The following CACNG2 variants were observed in gnomAD, a reference collection of about 807,000 sequenced individuals.
CACNG2 encodes calcium voltage-gated channel auxiliary subunit gamma 2, also known as voltage-dependent calcium channel gamma-2 subunit.
CACNG2 carries 3 observed loss-of-function variants against 25.9 expected under a neutral mutation model. The observed-to-expected ratio is 0.12, with a 90% CI of 0.05 to 0.30. The LOEUF (loss-of-function observed/expected upper bound fraction) is 0.30, where lower values mean the gene tolerates loss of function less well. CACNG2 is among the 10% of genes least tolerant of loss of function. The pLI is 1.00. For missense variants in CACNG2, 341 were observed against 432.5 expected, an observed-to-expected ratio of 0.79 and a Z score of 1.88; for synonymous variants, 167 against 173.3, an observed-to-expected ratio of 0.96 and a Z score of 0.29.
intron 2 of CACNG2, among the ~76,000 whole-genome samples, chr22:36,579,304 T>A (rs1468328989): frequency 6.8e-6 from 1 of 146,064 alleles, no homozygotes; most frequent in Non-Finnish European, 1.5e-5. Flanking sequence ...CTTGGGAGGA[T>A]GAGGCAGGAG....
rs1414141881 is a variant in CACNG2, at chr22:36,565,638, A to G, written c.436+715T>C. On this transcript the variant is annotated intron_variant, in intron 3 of 3. Coordinates refer to ENST00000300105, the MANE Select transcript of CACNG2 (RefSeq NM_006078.5). Reference sequence around the variant, plus strand: ...GGATTATGTATGCGTCACCATGCCCAGCTGATTAAAATAAAAAAATTTCTG... The same window carrying G: ...GGATTATGTATGCGTCACCATGCCCGGCTGATTAAAATAAAAAAATTTCTG... 5.9e-5 allele frequency among the ~76,000 whole-genome samples: 9 copies of G among 152,026 alleles called. No homozygotes were observed. The East Asian group carries it at 1.7e-3, about 29-fold the overall frequency.
At chr22:36,681,782 A>G (rs1601454096) in intron 1 of CACNG2, among the ~76,000 whole-genome samples, 1 of 152,124 alleles carries the variant, frequency 6.6e-6, no homozygotes, top group African/African-American at 2.4e-5. Flanking sequence ...CTGTACCACC[A>G]CCCTGCCATA....
At chr22:36,682,017 C>T (rs1204465982) in intron 1 of CACNG2, among the ~76,000 whole-genome samples, 1 of 152,228 alleles carries the variant, frequency 6.6e-6, no homozygotes, top group Non-Finnish European at 1.5e-5. Flanking sequence ...TGGTGCTCAG[C>T]CGTCAGGAGA....
At chr22:36,621,843 C>T (rs2267355) in intron 1 of CACNG2, among the ~76,000 whole-genome samples, 14,667 of 152,198 alleles carry the variant, frequency 0.096, 875 homozygotes, top group East Asian at 0.24. Flanking sequence ...CTAACTAGAG[C>T]GGCATTAAAA....
chr22:36,606,867 ATGTC>A lies in CACNG2; in HGVS notation c.212-19323_212-19320del, dbSNP rs1355844658. 6.8e-6 allele frequency among the ~76,000 whole-genome samples: 1 copy of A among 146,984 alleles called. No individual in the cohort carries two copies. The highest frequency in any genetic ancestry group is 6.8e-5 in the Admixed American group (1 of 14,788). The stretch of plus-strand genomic sequence containing the variant: ...TGTGTGTATGTATGTGTACGTGTGT[ATGTC>A]TGTGTGTGAGTCTGTGTGTGTGTCT... On this transcript the variant is annotated intron_variant, in intron 1 of 3. Coordinates refer to ENST00000300105, the MANE Select transcript of CACNG2 (RefSeq NM_006078.5). The surrounding 1 kb of genome is among the most constrained non-coding windows in gnomAD (Gnocchi z 5.7).
At chr22:36,648,150 G>A (rs1001445754) in intron 1 of CACNG2, among the ~76,000 whole-genome samples, 2 of 152,108 alleles carry the variant, frequency 1.3e-5, no homozygotes, top group South Asian at 2.1e-4. Context: ...TGCCCAGCTC[G>A]ACTACCAGCA....
At chr22:36,568,622 CT>C (rs1373218827) in intron 2 of CACNG2, among the ~76,000 whole-genome samples, 1 of 152,016 alleles carries the variant, frequency 6.6e-6, no homozygotes, top group Non-Finnish European at 1.5e-5. Flanking sequence ...CCAGGCTGGT[CT>C]TGAACTCCTG....
rs1051352269 is a variant in CACNG2 at position 36,631,044 on chromosome 22, T to C, written c.212-43496A>G. ...CGGGGTTTCACTATGTTGGCCAGGC[T>C]GTTCTCGAACTCCTGACCTCGTGAT... On this transcript the variant is annotated intron_variant, in intron 1 of 3. Coordinates refer to ENST00000300105, the MANE Select transcript of CACNG2 (RefSeq NM_006078.5). Among the ~76,000 whole-genome samples the C allele has an allele frequency of 3.3e-5, 5 of 152,182 alleles. No individual in the cohort carries two copies. In the South Asian group the frequency reaches 1.0e-3, roughly 32 times the overall value.
chr22:36,635,278 C>T (rs187637832), intron 1 of CACNG2, among the ~76,000 whole-genome samples: 87 of 137,942 alleles, frequency 6.3e-4, no homozygotes, highest in African/African-American at 2.1e-3. Flanking sequence ...AGCGAGACCC[C>T]GTCTCAAAAA....
intron 1 of CACNG2, among the ~76,000 whole-genome samples, chr22:36,613,585 T>C (rs1195171877): frequency 6.6e-6 from 1 of 152,166 alleles, no homozygotes; most frequent in African/African-American, 2.4e-5. Flanking sequence ...ATTTGGTGTT[T>C]CTGGGGCTCT....
intron 2 of CACNG2, among the ~76,000 whole-genome samples, chr22:36,580,339 G>T (rs1935393270): frequency 6.6e-6 from 1 of 152,108 alleles, no homozygotes; most frequent in South Asian, 2.1e-4. Context: ...CCTGCTGTTG[G>T]CTTCCCCCAG....
chr22:36,637,127 C>G (rs1936368542), intron 1 of CACNG2, among the ~76,000 whole-genome samples: 2 of 152,238 alleles, frequency 1.3e-5, no homozygotes, highest in Admixed American at 6.5e-5. Flanking sequence ...TGGCTAGGGC[C>G]TTTGTCTTGG....
At chr22:36,672,583 G>A (rs1047966438) in intron 1 of CACNG2, among the ~76,000 whole-genome samples, 1 of 152,244 alleles carries the variant, frequency 6.6e-6, no homozygotes. Flanking sequence ...TTAAGAAGTC[G>A]GATTCCCCCA....
intron 2 of CACNG2, among the ~76,000 whole-genome samples, chr22:36,578,344 C>T (rs924346472): frequency 6.4e-5 from 8 of 124,792 alleles, no homozygotes; most frequent in Non-Finnish European, 1.1e-4. Context: ...GGTGACAGAG[C>T]GAGACTCAAT....
At chr22:36,616,920 T>C (rs1411930394) in intron 1 of CACNG2, among the ~76,000 whole-genome samples, 1 of 152,156 alleles carries the variant, frequency 6.6e-6, no homozygotes, top group Non-Finnish European at 1.5e-5. Context: ...GGGAGAGTGG[T>C]GAATGAATCA....
At chr22:36,579,194 C>T (rs1357851391) in intron 2 of CACNG2, among the ~76,000 whole-genome samples, 1 of 152,000 alleles carries the variant, frequency 6.6e-6, no homozygotes, top group Admixed American at 6.6e-5. Flanking sequence ...CACCTGAGGT[C>T]AGGAGTTTGA....
intron 1 of CACNG2, among the ~76,000 whole-genome samples, chr22:36,616,784 A>T (rs1936027644): frequency 6.6e-6 from 1 of 152,170 alleles, no homozygotes; most frequent in South Asian, 2.1e-4. Flanking sequence ...TTCAAAGCAC[A>T]ACTAAAATCC....
In CACNG2 at chr22:36,627,446, C is replaced by T. The variant is rs113241752; in HGVS notation, c.212-39898G>A. On this transcript the variant is annotated intron_variant, in intron 1 of 3. Transcript: ENST00000300105. ...AAAGCAGGGCATGCTCACGGTAACA[C>T]ATATAGTCTGTACAGAAAGGAACAA... Among the ~76,000 whole-genome samples the T allele has an allele frequency of 2.6e-3, 396 of 152,166 alleles. 3 individuals carry two copies. The highest frequency in any genetic ancestry group is 9.2e-3 in the African/African-American group (381 of 41,498).
In CACNG2 at chr22:36,561,143, C is replaced by T. The variant is rs1230015709; in HGVS notation, c.*3208G>A. On this transcript the variant is annotated 3_prime_UTR_variant, in exon 4 of 4. Coordinates refer to ENST00000300105, the MANE Select transcript of CACNG2 (RefSeq NM_006078.5). ...GCGATGTCACCCCACACCCCAGTGGCTTTCTTCAAGCACACCCAGAACCCA... is the reference window on the plus strand; with the variant it reads ...GCGATGTCACCCCACACCCCAGTGGTTTTCTTCAAGCACACCCAGAACCCA... The T allele has an allele frequency of 6.6e-6, 1 of 152,216 alleles. No homozygotes were observed. The highest frequency in any genetic ancestry group is 1.9e-4 in the East Asian group (1 of 5,196). The allele number at this position is 152,216 out of a possible 1,614,324, so 9.4% of individuals were successfully genotyped here. A position where few individuals can be genotyped will look rare whatever the true frequency, so the allele number is the denominator to read the frequency against.
Sources: allele counts gnomAD v4.1 joint callset (sites outside exome capture counted in the v4.1 genomes callset), GRCh38; gene constraint gnomAD v4.1.1; non-coding constraint Gnocchi (gnomAD v3.1); transcripts MANE v1.5; gene names NCBI Gene and HGNC (gene_info 2026-07-23, HGNC 2026-07-21).